PCDHGA4: variants seen among roughly 807,000 people sequenced by gnomAD.
PCDHGA4 encodes the protein protocadherin gamma subfamily A, 4.
PCDHGA4 carries 38 observed loss-of-function variants against 54.6 expected under a neutral mutation model. The ratio of observed to expected loss-of-function variants is 0.70; its 90% confidence interval spans 0.54 to 0.91. PCDHGA4 has a LOEUF of 0.91. Ranked by LOEUF, PCDHGA4 falls within the 40% of genes least tolerant of loss-of-function variation. PCDHGA4 has a pLI of 0.00. For missense variants in PCDHGA4, 1,298 were observed against 1,220.9 expected, an observed-to-expected ratio of 1.06 and a Z score of -0.94; for synonymous variants, 511 against 512.9, an observed-to-expected ratio of 1.00 and a Z score of 0.05.
intron 1 of PCDHGA4, chr5:141,384,055 A>G (rs764578426): frequency 7.5e-6 from 12 of 1,610,418 alleles, no homozygotes; most frequent in Non-Finnish European, 1.0e-5. Context: ...GACCTGCACC[A>G]TTCCAGAAAA....
chr5:141,438,955 C>T (rs965336489), intron 1 of PCDHGA4, among the ~76,000 whole-genome samples: 3 of 151,926 alleles, frequency 2.0e-5, no homozygotes, highest in Non-Finnish European at 4.4e-5. Flanking sequence ...CATGAGCCAC[C>T]GCACCCTGCC....
chr5:141,398,469 G>A (rs1490431965), intron 1 of PCDHGA4: 1 of 1,604,084 alleles, frequency 6.2e-7, no homozygotes, highest in Admixed American at 1.7e-5. Context: ...AAAATCCACT[G>A]AACTTTTATC....
Position 141,357,014 on chromosome 5 carries a change from C to A in PCDHGA4, c.1907C>A (p.Ser636Tyr), listed in dbSNP as rs377201838. ...GACTCAGGTCAGAATGCCTGGCTGT[C>A]CTACAGCCTACTCAAGTCCAGCGAG... ...DRDSGQNAWL[S>Y]YSLLKSSEPG... The change falls in exon 1 of 4, where the codon TCC becomes TAC. Residue 636 changes from serine to tyrosine, a missense_variant. Physicochemically the swap from Ser to Tyr is moderately radical, Grantham distance 144. Coordinates refer to ENST00000571252, the MANE Select transcript of PCDHGA4 (RefSeq NM_018917.4). 9.9e-6 allele frequency: 16 copies of A among 1,614,012 alleles called. No homozygotes were observed. The African/African-American group carries it at 1.6e-4, about 16-fold the overall frequency.
intron 1 of PCDHGA4, among the ~76,000 whole-genome samples, chr5:141,386,853 G>C (rs932816835): frequency 2.0e-5 from 3 of 152,230 alleles, no homozygotes; most frequent in African/African-American, 4.8e-5. Context: ...ACTAAACTCA[G>C]TGAGCTATTG....
chr5:141,399,751 G>A (rs564705346), intron 1 of PCDHGA4: 3 of 1,613,322 alleles, frequency 1.9e-6, no homozygotes, highest in Admixed American at 3.3e-5. Context: ...CAGCGCAAAC[G>A]TGAGCCTGCG....
intron 2 of PCDHGA4, among the ~76,000 whole-genome samples, chr5:141,499,314 A>C (rs2099791047): frequency 6.6e-6 from 1 of 152,238 alleles, no homozygotes; most frequent in Non-Finnish European, 1.5e-5. Context: ...TCTGAGAGAC[A>C]GTATCCCTGC....
intron 1 of PCDHGA4, chr5:141,419,146 GCCT>G: frequency 6.2e-7 from 1 of 1,613,922 alleles, no homozygotes; most frequent in East Asian, 2.2e-5. Context: ...ACAGGGGCAA[GCCT>G]CCGTTATCCT....
rs2099883887 is a variant in PCDHGA4, at chr5:141,511,641, ACC to A, written c.*469_*470del. 4.4e-6 allele frequency: 1 copy of A among 224,930 alleles called. No homozygotes were observed. Among genetic ancestry groups the A allele is most frequent in the Non-Finnish European group, 9.1e-6 (1 of 110,428 alleles). 13.9% of individuals were successfully genotyped at this position (224,930 alleles called of 1,614,324 possible). A position where few individuals can be genotyped will look rare whatever the true frequency, so the allele number is the denominator to read the frequency against. ...TCTGAAAAGTTGGAAGGGCATCATG[ACC>A]TCTTGGCCTCTCCTTTGATTCTCAA... On this transcript the variant is annotated 3_prime_UTR_variant, in exon 4 of 4. Coordinates refer to ENST00000571252, the MANE Select transcript of PCDHGA4 (RefSeq NM_018917.4).
chr5:141,458,273 G>C, intron 1 of PCDHGA4, among the ~76,000 whole-genome samples: 1 of 152,158 alleles, frequency 6.6e-6, no homozygotes, highest in Non-Finnish European at 1.5e-5. Context: ...AGGAACAACA[G>C]GGTTCCTGGT....
chr5:141,383,458 G>A, intron 1 of PCDHGA4: 1 of 1,613,878 alleles, frequency 6.2e-7, no homozygotes, highest in African/African-American at 1.3e-5. Context: ...AAGTGGAGAC[G>A]ATGAAACTAA....
chr5:141,414,310 G>C, intron 1 of PCDHGA4: 1 of 1,613,722 alleles, frequency 6.2e-7, no homozygotes, highest in Non-Finnish European at 8.5e-7. Context: ...GCATGATTTA[G>C]ACTCTGAGCA....
chr5:141,450,278 G>A (rs977381598), intron 1 of PCDHGA4, among the ~76,000 whole-genome samples: 1 of 152,026 alleles, frequency 6.6e-6, no homozygotes, highest in Non-Finnish European at 1.5e-5. Flanking sequence ...TCAGCTAAGT[G>A]CTGGGATTAC....
intron 1 of PCDHGA4, chr5:141,376,117 C>G: frequency 6.2e-7 from 1 of 1,613,848 alleles, no homozygotes; most frequent in Non-Finnish European, 8.5e-7. Context: ...TGGGCAGCCT[C>G]GAGCCCTCCG....
At chr5:141,370,362 C>T (rs1766839959) in intron 1 of PCDHGA4, 3 of 1,517,790 alleles carry the variant, frequency 2.0e-6, no homozygotes, top group Non-Finnish European at 2.6e-6. Context: ...CTCCTCTCCT[C>T]GGATTTAGAA....
intron 1 of PCDHGA4, chr5:141,427,778 A>T: frequency 1.4e-6 from 2 of 1,436,676 alleles, no homozygotes; most frequent in Non-Finnish European, 1.9e-6. Context: ...AGCTGCGGGC[A>T]CTGTCGTCCT....
At chr5:141,409,798 G>T (rs2095317053) in intron 1 of PCDHGA4, 1 of 1,611,672 alleles carries the variant, frequency 6.2e-7, no homozygotes, top group South Asian at 1.1e-5. Context: ...CGCTCACGCT[G>T]CAGGCCCGCG....
At chr5:141,396,661 A>T (rs2093417070) in intron 1 of PCDHGA4, 1 of 152,162 alleles carries the variant, frequency 6.6e-6, no homozygotes, top group Admixed American at 6.5e-5. Flanking sequence ...AACTCGGTAT[A>T]GGCTATCCAT....
At position 141,418,812 on chromosome 5, in the gene PCDHGA4, A is replaced by T. The variant is rs761899929; in HGVS notation, c.2514+61191A>T. 4 of 1,613,914 alleles carry T rather than the reference A, an allele frequency of 2.5e-6. No individual in the cohort carries two copies. In the South Asian group the frequency reaches 4.4e-5, roughly 18 times the overall value. On this transcript the variant is annotated intron_variant, in intron 1 of 3. Transcript: ENST00000571252. ...GAAGAAGTAGAAAGATATACGATAA[A>T]CATAGAAGCAAAAGACCGAGGATCT... is the stretch of plus-strand genomic sequence containing the variant.
intron 1 of PCDHGA4, among the ~76,000 whole-genome samples, chr5:141,454,458 G>A (rs535843071): frequency 5.3e-5 from 8 of 152,322 alleles, no homozygotes; most frequent in Non-Finnish European, 1.5e-5. Flanking sequence ...CCAGGCTGGA[G>A]TGCAATGGCA....
Sources: allele counts gnomAD v4.1 joint callset (sites outside exome capture counted in the v4.1 genomes callset), GRCh38; gene constraint gnomAD v4.1.1; transcripts MANE v1.5; gene names NCBI Gene and HGNC (gene_info 2026-07-23, HGNC 2026-07-21).